PARN: variants seen among roughly 807,000 people sequenced by gnomAD.
PARN encodes the protein poly(A)-specific ribonuclease PARN.
In PARN, 71 loss-of-function variants were observed where a neutral mutation model predicts 102.8. The ratio of observed to expected loss-of-function variants is 0.69; its 90% CI spans 0.57 to 0.84. PARN has a LOEUF of 0.84. PARN is among the 40% of genes least tolerant of loss of function. The probability of loss-of-function intolerance (pLI) is 0.00; values close to 1 mark genes in which losing one functional copy is unlikely to be tolerated. For missense variants in PARN, 782 were observed against 760.9 expected (o/e 1.03, Z -0.33); for synonymous variants, 261 against 252.9 (o/e 1.03, Z -0.30).
At chr16:14,450,013 T>C (rs1366212177) in intron 22 of PARN, among the ~76,000 whole-genome samples, 1 of 152,232 alleles carries the variant, frequency 6.6e-6, no homozygotes, top group Non-Finnish European at 1.5e-5. Context: ...GTACAAGTTA[T>C]TCATTACAGC....
rs372474629 is a variant in PARN at position 14,563,887 on chromosome 16, A to G, written c.1263-8178T>C. 2.2e-4 allele frequency among the ~76,000 whole-genome samples: 34 copies of G among 152,226 alleles called. No individual in the cohort carries two copies. The East Asian group carries it at 3.1e-3, about 14-fold the overall frequency. On this transcript the variant is annotated intron_variant, in intron 18 of 23. Transcript: ENST00000437198. ...GTGGGATTTTTGTGTTTTAAAAAGA[A>G]AAAAAAATTAAGGACAAAAATTCCT...
chr16:14,499,474 C>T (rs754470597), intron 21 of PARN, among the ~76,000 whole-genome samples: 6 of 152,192 alleles, frequency 3.9e-5, no homozygotes, highest in Non-Finnish European at 8.8e-5. Context: ...ACAAGTTCTT[C>T]ACCACTCCTG....
chr16:14,617,155 T>C (rs529560483), intron 6 of PARN, among the ~76,000 whole-genome samples: 4 of 150,382 alleles, frequency 2.7e-5, no homozygotes, highest in Non-Finnish European at 4.4e-5. Flanking sequence ...GAGGCCAAGG[T>C]GGGCAGATCA....
At chr16:14,515,026 G>A (rs1052580585) in intron 21 of PARN, among the ~76,000 whole-genome samples, 16 of 152,208 alleles carry the variant, frequency 1.1e-4, no homozygotes, top group African/African-American at 2.9e-4. Flanking sequence ...ACATCTTTAC[G>A]AATCAACACT....
At position 14,621,812 on chromosome 16, in the gene PARN, A is replaced by AC. The variant is rs1177075103; in HGVS notation, c.328-4163_328-4162insG. Among the ~76,000 whole-genome samples the AC allele has an allele frequency of 2.6e-5, 4 of 151,878 alleles. No individual in the cohort carries two copies. In the East Asian group the frequency reaches 7.8e-4, roughly 30 times the overall value. ...GGCGACAGGGGCTTCGTCTCAAAAA[A>AC]AAAAAAAAAAACCTTTGAACTAACA... On this transcript the variant is annotated intron_variant, in intron 5 of 23. Transcript: ENST00000437198.
At chr16:14,457,797 CAAAAAA>C (rs35170336) in intron 22 of PARN, among the ~76,000 whole-genome samples, 5 of 30,154 alleles carry the variant, frequency 1.7e-4, no homozygotes, top group African/African-American at 4.7e-4. Flanking sequence ...GACTCTGTCT[CAAAAAA>C]AAAAAAAAAA....
intron 21 of PARN, among the ~76,000 whole-genome samples, chr16:14,531,304 G>C (rs558431006): frequency 6.6e-6 from 1 of 151,904 alleles, no homozygotes; most frequent in East Asian, 1.9e-4. Flanking sequence ...AGAGGTTGCA[G>C]TGAGGTGAGA....
intron 21 of PARN, among the ~76,000 whole-genome samples, chr16:14,531,626 T>C (rs1040867813): frequency 8.5e-5 from 13 of 152,142 alleles, no homozygotes; most frequent in African/African-American, 1.9e-4. Context: ...TAAAAATACA[T>C]AGAAACTGTT....
At chr16:14,606,865 T>G (rs1353062467) in intron 9 of PARN, among the ~76,000 whole-genome samples, 1 of 150,804 alleles carries the variant, frequency 6.6e-6, no homozygotes, top group Non-Finnish European at 1.5e-5. Flanking sequence ...CACTGCAAGC[T>G]CCACCTCCCT....
At position 14,609,088 on chromosome 16, in the gene PARN, T is replaced by A; in HGVS notation, c.590A>T (p.Asn197Ile). The part of the protein sequence containing the change: ...KIEDLLQSEE[N>I]KNLDLEPCTG... ...ACATGGCTCTAAATCCAAGTTCTTG[T>A]TTTCTTCACTTTGTAATAAATCCTC... Residue 197 changes from asparagine (N) to isoleucine (I), a missense_variant, in exon 8 of 24, where the codon AAC becomes ATC. Physicochemically the swap from Asn to Ile is moderately radical, Grantham distance 149. Transcript: ENST00000437198. The A allele has an allele frequency of 6.4e-7, 1 of 1,569,460 alleles. No homozygotes were observed. Among genetic ancestry groups the A allele is most frequent in the Non-Finnish European group, 8.7e-7 (1 of 1,146,034 alleles).
chr16:14,451,911 C>A, intron 22 of PARN, among the ~76,000 whole-genome samples: 1 of 130,330 alleles, frequency 7.7e-6, no homozygotes, highest in Non-Finnish European at 1.6e-5. Context: ...ATTAGCCAGG[C>A]ACAGTGGTGG....
At chr16:14,508,348 A>C (rs1019815747) in intron 21 of PARN, among the ~76,000 whole-genome samples, 2 of 151,278 alleles carry the variant, frequency 1.3e-5, no homozygotes, top group Admixed American at 6.6e-5. Context: ...TGGGCAGTAG[A>C]GTGAGACCCC....
intron 3 of PARN, 111 bp from the exon 4 acceptor site, chr16:14,627,447 T>C (rs1972746328): frequency 1.4e-6 from 1 of 707,196 alleles, no homozygotes; most frequent in Non-Finnish European, 2.5e-6. Flanking sequence ...TTCAGCAGAA[T>C]ACTTCCAATT....
At chr16:14,480,452 C>G (rs1278657923) in intron 22 of PARN, among the ~76,000 whole-genome samples, 1 of 152,134 alleles carries the variant, frequency 6.6e-6, no homozygotes, top group Non-Finnish European at 1.5e-5. Context: ...GGCTATGTAT[C>G]CAGACTACAT....
chr16:14,467,447 T>A (rs1962427993), intron 22 of PARN, among the ~76,000 whole-genome samples: 1 of 152,226 alleles, frequency 6.6e-6, no homozygotes, highest in Non-Finnish European at 1.5e-5. Flanking sequence ...TAGAAACTAA[T>A]CTGCCAAGAA....
At chr16:14,573,625 T>C (rs1285697123) in intron 18 of PARN, among the ~76,000 whole-genome samples, 1 of 152,200 alleles carries the variant, frequency 6.6e-6, no homozygotes, top group East Asian at 1.9e-4. Context: ...TTATCTTGAA[T>C]TGTAACTCTC....
intron 13 of PARN, among the ~76,000 whole-genome samples, chr16:14,590,626 T>G (rs1231518412): frequency 7.0e-6 from 1 of 143,390 alleles, no homozygotes; most frequent in Admixed American, 7.0e-5. Context: ...CAGAACAAGA[T>G]TCAGTCTCAA....
chr16:14,461,820 T>C (rs1962000068), intron 22 of PARN, among the ~76,000 whole-genome samples: 1 of 152,250 alleles, frequency 6.6e-6, no homozygotes, highest in Admixed American at 6.5e-5. Context: ...AAAAGAATGT[T>C]GCCTGGGTTT....
chr16:14,545,491 T>C (rs1966883302), intron 21 of PARN, among the ~76,000 whole-genome samples: 1 of 146,236 alleles, frequency 6.8e-6, no homozygotes, highest in Non-Finnish European at 1.6e-5. Flanking sequence ...AAAACATACG[T>C]ATAAATAAAC....
Sources: gnomAD v4.1 joint callset for allele counts (sites outside exome capture counted in the v4.1 genomes callset) on GRCh38, gnomAD v4.1.1 for gene constraint, MANE v1.5 for transcripts, NCBI Gene and HGNC (gene_info 2026-07-23, HGNC 2026-07-21) for gene names.